MFSD2B: variants seen among roughly 807,000 people sequenced by gnomAD.
MFSD2B encodes the protein MFSD2 lysolipid transporter B, sphingolipid.
In MFSD2B, 56 loss-of-function variants were observed where a neutral mutation model predicts 58.4. The observed-to-expected ratio is 0.96, with a 90% CI of 0.77 to 1.20. The LOEUF (loss-of-function observed/expected upper bound fraction) is 1.20. MFSD2B is among the 50% of genes most tolerant of loss of function. The probability of loss-of-function intolerance (pLI) is 0.00; values close to 1 mark genes in which losing one functional copy is unlikely to be tolerated. For synonymous variants in MFSD2B, 287 were observed against 294.4 expected (o/e 0.97, Z 0.26); for missense variants, 645 against 667.6 (o/e 0.97, Z 0.37).
At chr2:24,016,994 G>A (rs758994778) in intron 4 of MFSD2B, 26 bp downstream of exon 4, 3 of 1,612,368 alleles carry the variant, frequency 1.9e-6, no homozygotes, top group African/African-American at 2.7e-5. Context: ...TCCTGGGCCT[G>A]TGCTCTGGCG....
Position 24,017,180 on chromosome 2 carries a change from G to A in MFSD2B, c.472-106G>A. The stretch of plus-strand genomic sequence containing the variant: ...GACTTCAGGTGGCCAGCTGGGATAT[G>A]TCACGTTGGCCTGTGGGTGTCGGGA... On this transcript the variant is annotated intron_variant, in intron 4 of 13. Coordinates refer to ENST00000338315, the MANE Select transcript of MFSD2B (RefSeq NM_001346880.2). The surrounding 1 kb of genome is among the most constrained non-coding windows in gnomAD (Gnocchi z 4.8). 1.5e-6 allele frequency: 2 copies of A among 1,323,632 alleles called. No individual in the cohort carries two copies. Among genetic ancestry groups the A allele is most frequent in the Non-Finnish European group, 2.1e-6 (2 of 960,970 alleles). 82.0% of individuals were successfully genotyped at this position (1,323,632 alleles called of 1,614,324 possible).
Position 24,021,713 on chromosome 2 carries a change from G to C in MFSD2B, c.747G>C (p.Leu249=). 1.2e-6 allele frequency: 2 copies of C among 1,613,586 alleles called. No individual in the cohort carries two copies. Among genetic ancestry groups the C allele is most frequent in the Non-Finnish European group, 1.7e-6 (2 of 1,179,714 alleles). ...VVTYPVCISL[L]CLGVKERPDP... is the part of the protein sequence containing the mutation. ...CTTACCCCGTGTGCATCAGTTTACT[G>C]TGCCTAGGGGTGAAGGAGCGGCCAG... The change falls in exon 7 of 14, where the codon CTG becomes CTC. Residue 249 remains leucine, a synonymous_variant. Coordinates refer to ENST00000338315, the MANE Select transcript of MFSD2B (RefSeq NM_001346880.2). The surrounding 1 kb of genome is among the most constrained non-coding windows in gnomAD (Gnocchi z 5.7).
In MFSD2B at chr2:24,022,592, C is replaced by A; in HGVS notation, c.978+76C>A. On this transcript the variant is annotated intron_variant, in intron 9 of 13. Coordinates refer to ENST00000338315, the MANE Select transcript of MFSD2B (RefSeq NM_001346880.2). The surrounding 1 kb of genome is among the most constrained non-coding windows in gnomAD (Gnocchi z 4.5). ...GGGACATGTGTGGTCCTTGATGTGA[C>A]ACATATGGCCAGAGTTCTGGTGGTC... 2 of 1,213,534 alleles carry A rather than the reference C, an allele frequency of 1.6e-6. No individual in the cohort carries two copies. Among genetic ancestry groups the A allele is most frequent in the Non-Finnish European group, 2.3e-6 (2 of 852,968 alleles). 75.2% of individuals were successfully genotyped at this position (1,213,534 alleles called of 1,614,324 possible). A position where few individuals can be genotyped will look rare whatever the true frequency, so the allele number is the denominator to read the frequency against.
Position 24,023,574 on chromosome 2 carries a change from C to T in MFSD2B, c.1170-9C>T. ...GGCTAGGAGGGCTAACTCCACACCC[C>T]CGCCGCAGGTCCATGCTGCCAGACG... On this transcript the variant is annotated splice_polypyrimidine_tract_variant and intron_variant, in intron 11 of 13. Transcript: ENST00000338315. This position sits in a 1 kb window ranked among gnomAD's most constrained non-coding sequence, Gnocchi z 5.0. 6.2e-7 allele frequency: 1 copy of T among 1,612,370 alleles called. No individual in the cohort carries two copies. Among genetic ancestry groups the T allele is most frequent in the Admixed American group, 1.7e-5 (1 of 59,776 alleles).
chr2:24,010,729 G>A (rs1240136200), intron 1 of MFSD2B, among the ~76,000 whole-genome samples: 1 of 152,186 alleles, frequency 6.6e-6, no homozygotes, highest in Non-Finnish European at 1.5e-5. Flanking sequence ...CTTGCCCGAT[G>A]CCGCCGGGCC....
Position 24,021,770 on chromosome 2 carries a change from CTGGGGGCAGGGCTCTGCT to C in MFSD2B, c.772+43_773-51del. 1.9e-6 allele frequency: 3 copies of C among 1,612,736 alleles called. No homozygotes were observed. Among genetic ancestry groups the C allele is most frequent in the Non-Finnish European group, 1.7e-6 (2 of 1,179,254 alleles). ...GGTTTGGTGAGGAGGGAAGCAGAAGCTGGGGGCAGGGCTCTGCTTGGGGGCAGGTTTTGCTTTTGAACT... is the reference window on the plus strand; with the variant it reads ...GGTTTGGTGAGGAGGGAAGCAGAAGCTGGGGGCAGGTTTTGCTTTTGAACT... On this transcript the variant is annotated intron_variant, in intron 7 of 13. Coordinates refer to ENST00000338315, the MANE Select transcript of MFSD2B (RefSeq NM_001346880.2). This position sits in a 1 kb window ranked among gnomAD's most constrained non-coding sequence, Gnocchi z 5.7.
chr2:24,017,579 C>T lies in MFSD2B; in HGVS notation c.672C>T (p.Ser224=). The change falls in exon 6 of 14, where the codon TCC becomes TCT. Residue 224 remains serine, a synonymous_variant. Transcript: ENST00000338315. The surrounding 1 kb of genome is among the most constrained non-coding windows in gnomAD (Gnocchi z 4.8). ...CGACCCCGGGGCCAGTCACTGTCTCCCCGAATGCAGTAAGTGCACTGGGTG... is the reference window on the plus strand; with the variant it reads ...CGACCCCGGGGCCAGTCACTGTCTCTCCGAATGCAGTAAGTGCACTGGGTG... ...ATATPGPVTV[S]PNAAHLYCIA... is the part of the protein sequence containing the mutation. 1 of 1,555,934 alleles carries T rather than the reference C, an allele frequency of 6.4e-7. No homozygotes were observed. The highest frequency in any genetic ancestry group is 8.7e-7 in the Non-Finnish European group (1 of 1,150,202).
rs1662785318 is a variant in MFSD2B at position 24,021,539 on chromosome 2, T to C, written c.682-109T>C. ...GGGGACCCAGCGTCCTGGGCTTGGG[T>C]TGTGCCTCCCTCCGCTCCCACTGGG... On this transcript the variant is annotated intron_variant, in intron 6 of 13. Transcript: ENST00000338315. The surrounding 1 kb of genome is among the most constrained non-coding windows in gnomAD (Gnocchi z 5.7). The C allele has an allele frequency of 1.0e-6, 1 of 987,144 alleles. No individual in the cohort carries two copies. Among genetic ancestry groups the C allele is most frequent in the East Asian group, 2.6e-5 (1 of 37,972 alleles). 61.1% of individuals were successfully genotyped at this position (987,144 alleles called of 1,614,324 possible).
rs371261417 is a variant in MFSD2B, at chr2:24,022,883, C to T, written c.1040C>T (p.Thr347Met). 78 of 1,611,184 alleles carry T rather than the reference C, an allele frequency of 4.8e-5. No homozygotes were observed. In the African/African-American group the frequency reaches 7.5e-4, roughly 15 times the overall value. ...EWVLQRFGKK[T>M]SAFGIFAMVP... ...GTTCTCCAGCGCTTTGGGAAGAAGACGTCAGCCTTTGGGATCTTTGTGAGT... is the reference window on the plus strand; with the variant it reads ...GTTCTCCAGCGCTTTGGGAAGAAGATGTCAGCCTTTGGGATCTTTGTGAGT... Residue 347 changes from threonine (T) to methionine (M), a missense_variant, in exon 10 of 14, where the codon ACG (threonine) becomes ATG (methionine). Transcript: ENST00000338315. This position sits in a 1 kb window ranked among gnomAD's most constrained non-coding sequence, Gnocchi z 4.5.
chr2:24,018,518 A>G lies in MFSD2B; in HGVS notation c.681+930A>G, dbSNP rs894582081. 4.4e-5 allele frequency: 8 copies of G among 182,654 alleles called. No homozygotes were observed. In the Admixed American group the frequency reaches 5.0e-4, roughly 11 times the overall value. The allele number at this position is 182,654 out of a possible 1,614,324, so 11.3% of individuals were successfully genotyped here. A position where few individuals can be genotyped will look rare whatever the true frequency, so the allele number is the denominator to read the frequency against. ...TGCAGGCTGGGTGACCGACTACCCC[A>G]GTCCCAGGGAAGGTGGGGCCCTGCC... is the stretch of plus-strand genomic sequence containing the variant. On this transcript the variant is annotated intron_variant, in intron 6 of 13. Transcript: ENST00000338315.
chr2:24,021,989 C>T lies in MFSD2B; in HGVS notation c.894+19C>T, dbSNP rs375190597. The T allele has an allele frequency of 2.6e-5, 42 of 1,613,750 alleles. No individual in the cohort carries two copies. Among genetic ancestry groups the T allele is most frequent in the Non-Finnish European group, 3.4e-5 (40 of 1,179,826 alleles). On this transcript the variant is annotated intron_variant, in intron 8 of 13. Coordinates refer to ENST00000338315, the MANE Select transcript of MFSD2B (RefSeq NM_001346880.2). The surrounding 1 kb of genome is among the most constrained non-coding windows in gnomAD (Gnocchi z 5.7). ...TGTTCAGGTACCTCTGGCCAGCTGC[C>T]CCCGACAGGCTTGGTGCTGGCCATG...
At chr2:24,016,367 AC>A in intron 3 of MFSD2B, 87 bp downstream of exon 3, 2 of 1,435,244 alleles carry the variant, frequency 1.4e-6, no homozygotes, top group Non-Finnish European at 1.9e-6. Flanking sequence ...CCTAGCAGAA[AC>A]CCACTGGGTG....
At chr2:24,014,116 AT>A (rs1312730572) in intron 2 of MFSD2B, among the ~76,000 whole-genome samples, 1 of 151,940 alleles carries the variant, frequency 6.6e-6, no homozygotes, top group Non-Finnish European at 1.5e-5. Flanking sequence ...GGGTTTAGCA[AT>A]TCTCCTGCCT....
chr2:24,010,827 C>T (rs1009365064), intron 1 of MFSD2B, among the ~76,000 whole-genome samples: 1 of 152,164 alleles, frequency 6.6e-6, no homozygotes, highest in Non-Finnish European at 1.5e-5. Flanking sequence ...TGCTCGTGCC[C>T]AGGGCATTCT....
In MFSD2B at chr2:24,023,769, G is replaced by A. The variant is rs147254714; in HGVS notation, c.1313+43G>A. The stretch of plus-strand genomic sequence containing the variant: ...GATACAGCAGAGGCACCAAGGACCA[G>A]TGGGCAGGAAGAGGGCAAAGCCCCT... On this transcript the variant is annotated intron_variant, in intron 12 of 13. Coordinates refer to ENST00000338315, the MANE Select transcript of MFSD2B (RefSeq NM_001346880.2). This position sits in a 1 kb window ranked among gnomAD's most constrained non-coding sequence, Gnocchi z 5.0. The A allele has an allele frequency of 9.3e-6, 15 of 1,604,532 alleles. No individual in the cohort carries two copies. In the African/African-American group the frequency reaches 1.6e-4, roughly 17 times the overall value.
chr2:24,013,635 A>C, intron 2 of MFSD2B, among the ~76,000 whole-genome samples: 1 of 152,310 alleles, frequency 6.6e-6, no homozygotes, highest in African/African-American at 2.4e-5. Context: ...ATATAGAAGC[A>C]GTTGGCTAAG....
In MFSD2B at chr2:24,023,764, GAC is replaced by G; in HGVS notation, c.1313+39_1313+40del. The G allele has an allele frequency of 6.2e-7, 1 of 1,606,554 alleles. No homozygotes were observed. Among genetic ancestry groups the G allele is most frequent in the Non-Finnish European group, 8.5e-7 (1 of 1,175,172 alleles). On this transcript the variant is annotated intron_variant, in intron 12 of 13. Transcript: ENST00000338315. This position sits in a 1 kb window ranked among gnomAD's most constrained non-coding sequence, Gnocchi z 5.0. ...GTTAGGATACAGCAGAGGCACCAAG[GAC>G]CAGTGGGCAGGAAGAGGGCAAAGCC...
Position 24,021,288 on chromosome 2 carries a change from C to T in MFSD2B, c.682-360C>T, listed in dbSNP as rs573699921. Among the ~76,000 whole-genome samples the T allele has an allele frequency of 1.3e-3, 193 of 152,320 alleles. No homozygotes were observed. Among genetic ancestry groups the T allele is most frequent in the African/African-American group, 4.3e-3 (180 of 41,578 alleles). The stretch of plus-strand genomic sequence containing the variant: ...TGTCTTCCTCCCCACACTCTGAGCC[C>T]TGTGGATGGACAGGGCTCACTTATT... On this transcript the variant is annotated intron_variant, in intron 6 of 13. Transcript: ENST00000338315. The surrounding 1 kb of genome is among the most constrained non-coding windows in gnomAD (Gnocchi z 5.7).
Position 24,023,654 on chromosome 2 carries a change from T to A in MFSD2B, c.1241T>A (p.Phe414Tyr). The change falls in exon 12 of 14, where the codon TTC becomes TAC. Residue 414 changes from phenylalanine to tyrosine, a missense_variant. Transcript: ENST00000338315. This position sits in a 1 kb window ranked among gnomAD's most constrained non-coding sequence, Gnocchi z 5.0. Reference sequence around the variant, plus strand: ...CACGGGCCAGGCCTGGAGACCATCTTCTACTCCTCCTACGTCTTCTTCACC... The same window carrying A: ...CACGGGCCAGGCCTGGAGACCATCTACTACTCCTCCTACGTCTTCTTCACC... ...HRHGPGLETI[F>Y]YSSYVFFTKL... 2 of 1,613,934 alleles carry A rather than the reference T, an allele frequency of 1.2e-6. No homozygotes were observed. Among genetic ancestry groups the A allele is most frequent in the South Asian group, 2.2e-5 (2 of 91,086 alleles).
Sources: allele counts gnomAD v4.1 joint callset (sites outside exome capture counted in the v4.1 genomes callset), GRCh38; gene constraint gnomAD v4.1.1; non-coding constraint Gnocchi (gnomAD v3.1); transcripts MANE v1.5; gene names NCBI Gene and HGNC (gene_info 2026-07-23, HGNC 2026-07-21).